Variants in MICAL2 observed in about 807,000 individuals in gnomAD.
The protein encoded by MICAL2 is microtubule associated monooxygenase, calponin and LIM domain containing 2.
A neutral mutation model predicts 127.3 loss-of-function variants in MICAL2; 77 were observed. The ratio of observed to expected loss-of-function variants is 0.60; its 90% CI spans 0.50 to 0.73. MICAL2 has a LOEUF of 0.73. MICAL2 is among the 30% of genes least tolerant of loss of function. The pLI is 0.00. For missense variants in MICAL2, 1,351 were observed against 1,434.4 expected (o/e 0.94, Z 0.94); for synonymous variants, 570 against 551.1 (o/e 1.03, Z -0.48).
At chr11:12,302,363 A>G (rs1165541299) in intron 29 of MICAL2, among the ~76,000 whole-genome samples, 2 of 152,178 alleles carry the variant, frequency 1.3e-5, no homozygotes, top group African/African-American at 2.4e-5. Context: ...GGTTGTACCA[A>G]TGTATATACT....
intron 4 of MICAL2, among the ~76,000 whole-genome samples, chr11:12,205,929 A>C (rs1027577988): frequency 6.6e-6 from 1 of 152,174 alleles, no homozygotes; most frequent in Non-Finnish European, 1.5e-5. Context: ...ACAAGAATTG[A>C]TGGGAAAAAG....
intron 2 of MICAL2, among the ~76,000 whole-genome samples, chr11:12,144,820 C>T (rs1254622716): frequency 1.3e-5 from 2 of 152,160 alleles, no homozygotes; most frequent in East Asian, 3.8e-4. Flanking sequence ...GAGACTGGTT[C>T]TACCCTGTCT....
In MICAL2 at chr11:12,341,607, A is replaced by C. The variant is rs573389294; in HGVS notation, c.5516-8231A>C. On this transcript the variant is annotated intron_variant, in intron 32 of 34. Transcript: ENST00000646065. ...TTTGGGAGGCCAAGACAGGCAGATT[A>C]CCTAAGGTCAGGAGTTCAAGACCAG... Among the ~76,000 whole-genome samples the C allele has an allele frequency of 2.2e-3, 340 of 152,230 alleles. 1 individual carries two copies. Among genetic ancestry groups the C allele is most frequent in the African/African-American group, 8.0e-3 (334 of 41,544 alleles).
chr11:12,302,073 G>A (rs1381048878), intron 29 of MICAL2, among the ~76,000 whole-genome samples: 1 of 152,180 alleles, frequency 6.6e-6, no homozygotes, highest in Admixed American at 6.5e-5. Flanking sequence ...GGGAGGCTAT[G>A]GCCATCTTAG....
chr11:12,191,444 C>T (rs977144118), intron 3 of MICAL2, among the ~76,000 whole-genome samples: 1 of 149,984 alleles, frequency 6.7e-6, no homozygotes, highest in Admixed American at 6.7e-5. Context: ...TGCACTCCAG[C>T]CCGGGCAGCA....
At chr11:12,340,895 G>A (rs188281672) in intron 32 of MICAL2, among the ~76,000 whole-genome samples, 1 of 152,286 alleles carries the variant, frequency 6.6e-6, no homozygotes, top group East Asian at 1.9e-4. Context: ...GGAAAGATTA[G>A]AATTTTTATT....
rs1015452383 is a variant in MICAL2, at chr11:12,220,585, G to A, written c.1206+127G>A. On this transcript the variant is annotated intron_variant, in intron 9 of 27. Transcript: ENST00000683283. ...GCTCTCAGCCAGTTGGCAGGACTCT[G>A]CCAAGCCTGTCCCGGCCTCAGAGCC... 4.5e-6 allele frequency: 6 copies of A among 1,340,888 alleles called. No individual in the cohort carries two copies. The African/African-American group carries it at 5.9e-5, about 13-fold the overall frequency. 83.1% of individuals were successfully genotyped at this position (1,340,888 alleles called of 1,614,324 possible). A position where few individuals can be genotyped will look rare whatever the true frequency, so the allele number is the denominator to read the frequency against.
chr11:12,223,651 G>T, intron 12 of MICAL2, 150 bp downstream of exon 12: 1 of 637,880 alleles, frequency 1.6e-6, no homozygotes. Flanking sequence ...TGTCCTCTTT[G>T]TACTCCAGTT....
intron 3 of MICAL2, among the ~76,000 whole-genome samples, chr11:12,178,284 C>A (rs1275853412): frequency 2.0e-5 from 3 of 152,182 alleles, no homozygotes; most frequent in Admixed American, 6.5e-5. Context: ...AAAACCCCAA[C>A]TTTTGTAAAA....
chr11:12,204,222 G>C (rs1329200757), intron 3 of MICAL2, 28 bp from the exon 4 acceptor site: 2 of 1,606,324 alleles, frequency 1.2e-6, no homozygotes, highest in African/African-American at 2.7e-5. Context: ...AGGTTACCAA[G>C]AGTCTCTCTC....
chr11:12,295,156 T>C (rs75351222), downstream of MICAL2, among the ~76,000 whole-genome samples: 1 of 151,844 alleles, frequency 6.6e-6, no homozygotes, highest in African/African-American at 2.4e-5. Context: ...TTTTTTTTTT[T>C]TGAGACAGAG....
intron 23 of MICAL2, 194 bp downstream of exon 23, chr11:12,255,944 C>G (rs375472791): frequency 1.8e-6 from 1 of 540,578 alleles, no homozygotes; most frequent in Non-Finnish European, 3.3e-6. Context: ...AGATCTCACT[C>G]AGGTCCCCTG....
At chr11:12,277,422 G>A (rs970574927) in intron 1 of MICAL2, among the ~76,000 whole-genome samples, 3 of 152,156 alleles carry the variant, frequency 2.0e-5, no homozygotes, top group African/African-American at 7.2e-5. Context: ...CATTGCAAAG[G>A]GGCATGGATC....
At chr11:12,250,284 G>C (rs1355662062) in intron 22 of MICAL2, 1 of 152,196 alleles carries the variant, frequency 6.6e-6, no homozygotes, top group Non-Finnish European at 1.5e-5. Flanking sequence ...GTACGTAGTA[G>C]GTGTATATAT....
At chr11:12,274,329 A>G (rs1279568259), upstream of MICAL2, 3 of 152,230 alleles carry the variant, frequency 2.0e-5, no homozygotes, top group Admixed American at 6.5e-5. Context: ...CTGAACGCCT[A>G]CCGTTCACCA....
intron 1 of MICAL2, among the ~76,000 whole-genome samples, chr11:12,111,238 TGGC>T (rs1174175432): frequency 6.6e-6 from 1 of 152,218 alleles, no homozygotes; most frequent in Non-Finnish European, 1.5e-5. Context: ...GTCAGTGGCC[TGGC>T]TGGCCGCGGG....
intron 3 of MICAL2, among the ~76,000 whole-genome samples, chr11:12,196,498 G>C (rs1244809658): frequency 6.6e-6 from 1 of 152,146 alleles, no homozygotes; most frequent in Non-Finnish European, 1.5e-5. Flanking sequence ...TATAAAGGCT[G>C]AGCCCCAGGC....
chr11:12,249,522 G>A (rs1257222823), intron 22 of MICAL2, among the ~76,000 whole-genome samples: 1 of 152,202 alleles, frequency 6.6e-6, no homozygotes. Context: ...TGGGCATATG[G>A]CCGAGGAATC....
chr11:12,355,513 G>A (rs4757389), intron 34 of MICAL2, among the ~76,000 whole-genome samples: 49 of 152,268 alleles, frequency 3.2e-4, no homozygotes, highest in African/African-American at 1.2e-3. Context: ...GTGCCAGATC[G>A]ATGCATGACC....
Sources: gnomAD v4.1 joint callset for allele counts (sites outside exome capture counted in the v4.1 genomes callset) on GRCh38, gnomAD v4.1.1 for gene constraint, MANE v1.5 for transcripts, NCBI Gene and HGNC (gene_info 2026-07-23, HGNC 2026-07-21) for gene names.